The following IL6R variants were observed in gnomAD, a reference collection of about 807,000 sequenced individuals.
The protein encoded by IL6R is interleukin-6 receptor subunit alpha.
Under a neutral mutation model 48.3 loss-of-function variants are expected in IL6R, and 38 were observed. The observed-to-expected ratio is 0.79, with a 90% confidence interval of 0.61 to 1.03. The LOEUF (loss-of-function observed/expected upper bound fraction) is 1.03. IL6R is among the 50% of genes least tolerant of loss of function. IL6R has a pLI of 0.00. For synonymous variants in IL6R, 264 were observed against 256.2 expected (o/e 1.03, Z -0.29); for missense variants, 534 against 618.3 (o/e 0.86, Z 1.45).
At chr1:154,418,548 G>A (rs1014452480) in intron 1 of IL6R, 7 of 325,916 alleles carry the variant, frequency 2.1e-5, no homozygotes, top group African/African-American at 9.0e-5. Context: ...AGGGGGTTGC[G>A]GACAGGTGGG....
intron 9 of IL6R, among the ~76,000 whole-genome samples, chr1:154,458,286 A>G (rs1279194207): frequency 1.3e-5 from 2 of 151,946 alleles, no homozygotes; most frequent in Non-Finnish European, 2.9e-5. Context: ...TTGCTTTTTC[A>G]ATGAAGTAGA....
intron 4 of IL6R, 62 bp downstream of exon 4, chr1:154,434,762 C>G: frequency 6.7e-7 from 1 of 1,502,284 alleles, no homozygotes; most frequent in Non-Finnish European, 9.1e-7. Context: ...TACTCCTTAT[C>G]GACTTCTCAG....
At chr1:154,411,669 G>T (rs894672427) in intron 1 of IL6R, among the ~76,000 whole-genome samples, 6 of 152,160 alleles carry the variant, frequency 3.9e-5, no homozygotes, top group Non-Finnish European at 7.4e-5. Context: ...TCACCAGCTA[G>T]GGGACCTTTG....
At position 154,465,234 on chromosome 1, in the gene IL6R, A is replaced by T. The variant is rs777795126; in HGVS notation, c.1261A>T (p.Thr421Ser). 1 of 1,613,992 alleles carries T rather than the reference A, an allele frequency of 6.2e-7. No individual in the cohort carries two copies. The highest frequency in any genetic ancestry group is 8.5e-7 in the Non-Finnish European group (1 of 1,179,972). The change falls in exon 10 of 10, where the codon ACC becomes TCC. Residue 421 changes from threonine to serine, a missense_variant. By Grantham distance (58) the Thr-to-Ser change is moderately conservative (BLOSUM62 1). Transcript: ENST00000368485. ...GCTGGTCCCGGAGAGGCCTCGACCC[A>T]CCCCAGTGCTTGTTCCTCTCATCTC... ...GQLVPERPRP[T>S]PVLVPLISPP... is the part of the protein sequence containing the mutation.
At chr1:154,440,731 T>G (rs1689887148) in intron 6 of IL6R, among the ~76,000 whole-genome samples, 1 of 149,464 alleles carries the variant, frequency 6.7e-6, no homozygotes, top group South Asian at 2.2e-4. Flanking sequence ...CTTGGCTCAC[T>G]GTAACCTCCA....
Position 154,448,171 on chromosome 1 carries a change from G to C in IL6R, c.996G>C (p.Gln332His), listed in dbSNP as rs771668545. The stretch of plus-strand genomic sequence containing the variant: ...AGAACGAGGTGTCCACCCCCATGCA[G>C]GTGAGCTCCTGTTCTTGTAAAAGGG... ...PAENEVSTPM[Q>H]ALTTNKDDDN... The change falls in exon 7 of 10, where the codon CAG (glutamine) becomes CAC (histidine). Residue 332 changes from glutamine to histidine, a missense_variant and splice_region_variant. Coordinates refer to ENST00000368485, the MANE Select transcript of IL6R (RefSeq NM_000565.4). 1.2e-6 allele frequency: 2 copies of C among 1,613,102 alleles called. No individual in the cohort carries two copies. The highest frequency in any genetic ancestry group is 1.1e-5 in the South Asian group (1 of 91,054).
chr1:154,435,165 A>G lies in IL6R; in HGVS notation c.807+9A>G. The G allele has an allele frequency of 3.1e-6, 5 of 1,613,456 alleles. No individual in the cohort carries two copies. Among genetic ancestry groups the G allele is most frequent in the Admixed American group, 3.3e-5 (2 of 59,994 alleles). On this transcript the variant is annotated intron_variant, in intron 5 of 9. Transcript: ENST00000368485. ...CATTCACAACATGGATGGTAAATTTATGTTTTACTTCTGGTCAGAGAGGCG... is the reference window on the plus strand; with the variant it reads ...CATTCACAACATGGATGGTAAATTTGTGTTTTACTTCTGGTCAGAGAGGCG...
intron 1 of IL6R, among the ~76,000 whole-genome samples, chr1:154,412,961 G>C (rs953050564): frequency 8.9e-6 from 1 of 112,634 alleles, no homozygotes; most frequent in South Asian, 2.7e-4. Context: ...TTTTTTTTTT[G>C]TATTTCATTA....
chr1:154,430,386 C>A, intron 2 of IL6R, 97 bp from the exon 3 acceptor site: 3 of 1,477,778 alleles, frequency 2.0e-6, no homozygotes, highest in Non-Finnish European at 2.7e-6. Flanking sequence ...AGGGGCCCAG[C>A]CACGTGCTCC....
chr1:154,461,462 C>T (rs954001327), intron 9 of IL6R, among the ~76,000 whole-genome samples: 3 of 152,166 alleles, frequency 2.0e-5, no homozygotes, highest in Non-Finnish European at 4.4e-5. Context: ...CTCCAGCGGC[C>T]CTTATGCCGG....
chr1:154,451,764 C>T (rs1295424919), intron 8 of IL6R, among the ~76,000 whole-genome samples: 1 of 151,932 alleles, frequency 6.6e-6, no homozygotes, highest in Non-Finnish European at 1.5e-5. Context: ...TCGAACTCCC[C>T]ACCTCAGGTG....
intron 5 of IL6R, 135 bp downstream of exon 5, chr1:154,435,291 C>A: frequency 1.3e-6 from 1 of 745,614 alleles, no homozygotes; most frequent in Non-Finnish European, 2.2e-6. Flanking sequence ...GGGCGAATCA[C>A]TTGAGGTCAG....
chr1:154,410,233 G>A (rs995019248), intron 1 of IL6R, among the ~76,000 whole-genome samples: 5 of 152,110 alleles, frequency 3.3e-5, no homozygotes, highest in African/African-American at 1.2e-4. Context: ...GTGGCAAGGG[G>A]AAGGTGACAA....
chr1:154,444,947 C>G (rs887479285), intron 6 of IL6R: 2 of 411,766 alleles, frequency 4.9e-6, no homozygotes, highest in African/African-American at 4.1e-5. Flanking sequence ...CCGCCCCCCC[C>G]AAATGAGGAA....
At chr1:154,424,629 G>A (rs965442069) in intron 1 of IL6R, among the ~76,000 whole-genome samples, 9 of 152,238 alleles carry the variant, frequency 5.9e-5, no homozygotes, top group African/African-American at 9.6e-5. Context: ...AAATGGAAAA[G>A]TGGAAATATT....
chr1:154,464,336 G>A (rs1290259867), intron 9 of IL6R, among the ~76,000 whole-genome samples: 1 of 151,982 alleles, frequency 6.6e-6, no homozygotes, highest in African/African-American at 2.4e-5. Context: ...TGTATTTTTA[G>A]TAGAGACGGG....
chr1:154,441,720 C>T (rs1203743920), intron 6 of IL6R, among the ~76,000 whole-genome samples: 3 of 152,004 alleles, frequency 2.0e-5, no homozygotes, highest in Non-Finnish European at 4.4e-5. Context: ...GTGAGCTTAC[C>T]CACCCCAAGG....
intron 6 of IL6R, among the ~76,000 whole-genome samples, chr1:154,441,806 G>A (rs1689949593): frequency 6.6e-6 from 1 of 152,088 alleles, no homozygotes; most frequent in East Asian, 1.9e-4. Flanking sequence ...TGGCCTTTGG[G>A]AGACACAGAG....
At chr1:154,415,457 C>G (rs183793389) in intron 1 of IL6R, among the ~76,000 whole-genome samples, 1 of 152,282 alleles carries the variant, frequency 6.6e-6, no homozygotes, top group South Asian at 2.1e-4. Context: ...TGGGTTTATA[C>G]GCCTCTTGGC....
Sources: gnomAD v4.1 joint callset for allele counts (sites outside exome capture counted in the v4.1 genomes callset) on GRCh38, gnomAD v4.1.1 for gene constraint, MANE v1.5 for transcripts, NCBI Gene and HGNC (gene_info 2026-07-23, HGNC 2026-07-21) for gene names.